The following SPIDR variants were observed in gnomAD, a reference collection of about 807,000 sequenced individuals.
SPIDR encodes the protein scaffold protein involved in DNA repair, also known as DNA repair-scaffolding protein.
In SPIDR, 93 loss-of-function variants were observed where a neutral mutation model predicts 104.6. The ratio of observed to expected loss-of-function variants is 0.89; its 90% CI spans 0.75 to 1.06. The LOEUF is 1.06. SPIDR is among the 50% of genes least tolerant of loss of function. SPIDR has a pLI of 0.00. For missense variants in SPIDR, 1,154 were observed against 1,111.2 expected (o/e 1.04, Z -0.55); for synonymous variants, 431 against 416.9 (o/e 1.03, Z -0.41).
intron 8 of SPIDR, among the ~76,000 whole-genome samples, chr8:47,508,023 T>C (rs2081740987): frequency 6.6e-6 from 1 of 152,130 alleles, no homozygotes; most frequent in Admixed American, 6.6e-5. Context: ...ACTCAGTAAA[T>C]AGATCAAGGT....
At chr8:47,384,069 T>C (rs190368135) in intron 5 of SPIDR, among the ~76,000 whole-genome samples, 1 of 152,312 alleles carries the variant, frequency 6.6e-6, no homozygotes, top group East Asian at 1.9e-4. Flanking sequence ...GGAAAGAGAA[T>C]TCACCTGAAC....
chr8:47,640,093 A>G (rs1460289380), intron 10 of SPIDR, among the ~76,000 whole-genome samples: 1 of 152,204 alleles, frequency 6.6e-6, no homozygotes, highest in Non-Finnish European at 1.5e-5. Context: ...TGACCCCCAG[A>G]GCTGTTGCCT....
intron 8 of SPIDR, among the ~76,000 whole-genome samples, chr8:47,552,129 TGA>T (rs1240530823): frequency 2.0e-5 from 3 of 152,226 alleles, no homozygotes; most frequent in Non-Finnish European, 4.4e-5. Context: ...CACTGTGGTC[TGA>T]GAGACAGTTT....
intron 8 of SPIDR, among the ~76,000 whole-genome samples, chr8:47,560,364 C>T (rs2056906528): frequency 6.6e-6 from 1 of 152,228 alleles, no homozygotes; most frequent in African/African-American, 2.4e-5. Flanking sequence ...ACTAGTCCCT[C>T]ACCAGCTCCA....
chr8:47,285,453 GTTCCTGATT>G (rs1210853009), intron 3 of SPIDR, among the ~76,000 whole-genome samples: 8 of 152,308 alleles, frequency 5.3e-5, no homozygotes, highest in Admixed American at 3.3e-4. Context: ...ACAAAAGCAT[GTTCCTGATT>G]CTGCTTCCCA....
At chr8:47,702,958 A>T (rs2080528566) in intron 14 of SPIDR, among the ~76,000 whole-genome samples, 1 of 152,208 alleles carries the variant, frequency 6.6e-6, no homozygotes, top group Admixed American at 6.5e-5. Context: ...CTTGGCCAGC[A>T]ACCTCGGCCA....
At chr8:47,371,699 T>C (rs1554639048) in intron 5 of SPIDR, among the ~76,000 whole-genome samples, 1 of 152,164 alleles carries the variant, frequency 6.6e-6, no homozygotes, top group African/African-American at 2.4e-5. Flanking sequence ...GTAAAATGGG[T>C]ATAATAATTT....
intron 10 of SPIDR, among the ~76,000 whole-genome samples, chr8:47,629,781 C>T (rs932865350): frequency 2.0e-5 from 3 of 152,162 alleles, no homozygotes; most frequent in Non-Finnish European, 4.4e-5. Flanking sequence ...GTATAAAAAT[C>T]GGGGACAGGC....
At chr8:47,546,646 A>G (rs150604624) in intron 8 of SPIDR, among the ~76,000 whole-genome samples, 18 of 151,902 alleles carry the variant, frequency 1.2e-4, no homozygotes, top group African/African-American at 4.4e-4. Context: ...CTGTGGGTTT[A>G]TTTTGCTCTT....
At chr8:47,713,054 G>A in intron 15 of SPIDR, 182 bp downstream of exon 15, 4 of 1,363,950 alleles carry the variant, frequency 2.9e-6, no homozygotes, top group Non-Finnish European at 3.8e-6. Flanking sequence ...AGCCACCTGG[G>A]CAGAACCAGC....
intron 1 of SPIDR, 83 bp from the exon 2 acceptor site, chr8:47,279,779 G>A: frequency 2.9e-6 from 4 of 1,374,800 alleles, no homozygotes; most frequent in Non-Finnish European, 4.0e-6. Flanking sequence ...TTTTCAGATT[G>A]TAAATTGTGA....
intron 8 of SPIDR, among the ~76,000 whole-genome samples, chr8:47,526,837 A>G (rs1194813963): frequency 1.3e-5 from 2 of 152,242 alleles, no homozygotes; most frequent in Non-Finnish European, 2.9e-5. Context: ...TTTTAGCTTC[A>G]TCAGAGAATT....
intron 16 of SPIDR, among the ~76,000 whole-genome samples, chr8:47,721,598 A>G (rs1235611767): frequency 2.0e-5 from 3 of 151,794 alleles, no homozygotes; most frequent in African/African-American, 7.3e-5. Flanking sequence ...CAGCCTCCCA[A>G]GTAGCTGGGA....
intron 10 of SPIDR, among the ~76,000 whole-genome samples, chr8:47,616,969 T>G (rs967362272): frequency 2.0e-5 from 3 of 152,226 alleles, no homozygotes; most frequent in Non-Finnish European, 4.4e-5. Context: ...GCTTTTTGCT[T>G]TTTATTACCA....
At chr8:47,403,836 G>A (rs1454662772) in intron 6 of SPIDR, among the ~76,000 whole-genome samples, 1 of 152,110 alleles carries the variant, frequency 6.6e-6, no homozygotes, top group Non-Finnish European at 1.5e-5. Flanking sequence ...TTTCTTCACA[G>A]AATTGGAAAA....
chr8:47,590,651 TG>T (rs1210774161), intron 8 of SPIDR, among the ~76,000 whole-genome samples: 1 of 152,220 alleles, frequency 6.6e-6, no homozygotes, highest in Non-Finnish European at 1.5e-5. Flanking sequence ...TATTCTATAA[TG>T]TCAGCTAGAA....
intron 11 of SPIDR, among the ~76,000 whole-genome samples, chr8:47,688,134 T>C (rs1226310879): frequency 1.3e-5 from 2 of 152,098 alleles, no homozygotes; most frequent in East Asian, 1.9e-4. Context: ...TTTTATTTTA[T>C]TTATTTATTT....
At chr8:47,704,724 C>T (rs1038507691) in intron 14 of SPIDR, among the ~76,000 whole-genome samples, 1 of 152,206 alleles carries the variant, frequency 6.6e-6, no homozygotes, top group Non-Finnish European at 1.5e-5. Context: ...CATCATTTGA[C>T]AGCTGATCAG....
chr8:47,729,286 G>GT, intron 18 of SPIDR, 126 bp from the exon 19 acceptor site: 1 of 1,452,278 alleles, frequency 6.9e-7, no homozygotes, highest in Admixed American at 2.1e-5. Context: ...ACCTAAGGCC[G>GT]TGAGACTGAA....
Sources: gnomAD v4.1 joint callset for allele counts (sites outside exome capture counted in the v4.1 genomes callset) on GRCh38, gnomAD v4.1.1 for gene constraint, MANE v1.5 for transcripts, NCBI Gene and HGNC (gene_info 2026-07-23, HGNC 2026-07-21) for gene names.